The following ASTN2 variants were observed in gnomAD, a reference collection of about 807,000 sequenced individuals.
ASTN2 encodes the protein astrotactin 2.
A neutral mutation model predicts 139.8 loss-of-function variants in ASTN2; 54 were observed. The ratio of observed to expected loss-of-function variants is 0.39; its 90% CI spans 0.31 to 0.48. The LOEUF (loss-of-function observed/expected upper bound fraction) is 0.48. ASTN2 is among the 20% of genes least tolerant of loss of function. The pLI is 0.95. For synonymous variants in ASTN2, 756 were observed against 719.5 expected, an observed-to-expected ratio of 1.05 and a Z score of -0.81; for missense variants, 1,565 against 1,725.1, an observed-to-expected ratio of 0.91 and a Z score of 1.64.
intron 16 of ASTN2, among the ~76,000 whole-genome samples, chr9:116,676,047 T>C (rs981495402): frequency 3.3e-5 from 5 of 152,218 alleles, no homozygotes; most frequent in African/African-American, 1.2e-4. Flanking sequence ...GAATCTTGTC[T>C]ATGGTTCCAT....
intron 19 of ASTN2, among the ~76,000 whole-genome samples, chr9:116,559,942 T>C (rs778059932): frequency 7.9e-5 from 12 of 152,228 alleles, no homozygotes; most frequent in Non-Finnish European, 1.8e-4. Context: ...CACTTACTAT[T>C]ATTGCCGCTT....
At chr9:117,163,753 T>C (rs1442317836) in intron 3 of ASTN2, among the ~76,000 whole-genome samples, 1 of 152,104 alleles carries the variant, frequency 6.6e-6, no homozygotes, top group Non-Finnish European at 1.5e-5. Context: ...CACACTTGGA[T>C]TGACCATTAA....
At chr9:117,191,748 T>C (rs923560456) in intron 3 of ASTN2, among the ~76,000 whole-genome samples, 1 of 152,206 alleles carries the variant, frequency 6.6e-6, no homozygotes, top group Non-Finnish European at 1.5e-5. Flanking sequence ...GCTTCAGCTC[T>C]GATCAATCAG....
At chr9:117,163,924 T>C (rs373191067) in intron 3 of ASTN2, among the ~76,000 whole-genome samples, 1 of 152,224 alleles carries the variant, frequency 6.6e-6, no homozygotes. Flanking sequence ...GTATAACTTA[T>C]GACTCTCCAG....
At chr9:117,192,589 T>C (rs1265689926) in intron 3 of ASTN2, among the ~76,000 whole-genome samples, 2 of 152,228 alleles carry the variant, frequency 1.3e-5, no homozygotes, top group Non-Finnish European at 2.9e-5. Flanking sequence ...CCCCATGCTA[T>C]ACCATTTTGA....
chr9:117,251,717 G>A (rs1433461076), intron 2 of ASTN2, among the ~76,000 whole-genome samples: 1 of 152,168 alleles, frequency 6.6e-6, no homozygotes, highest in African/African-American at 2.4e-5. Context: ...GTTCACACTG[G>A]TAGCATTGTG....
intron 22 of ASTN2, among the ~76,000 whole-genome samples, chr9:116,433,132 G>T (rs75099224): frequency 0.041 from 6,204 of 152,206 alleles, 159 homozygotes; most frequent in Middle Eastern, 0.085. Flanking sequence ...TGGGCAAAAG[G>T]TTTATGTGGA....
chr9:116,548,892 G>C (rs779483199), intron 19 of ASTN2, among the ~76,000 whole-genome samples: 40 of 152,162 alleles, frequency 2.6e-4, no homozygotes, highest in Non-Finnish European at 5.4e-4. Context: ...GATTCCTGTA[G>C]GCAACCAGGG....
At chr9:116,603,577 A>T (rs1293163829) in intron 19 of ASTN2, among the ~76,000 whole-genome samples, 1 of 152,248 alleles carries the variant, frequency 6.6e-6, no homozygotes, top group Non-Finnish European at 1.5e-5. Flanking sequence ...CAGGAACTTA[A>T]AATACTTAAA....
chr9:116,896,290 T>C (rs1303642569), intron 10 of ASTN2, among the ~76,000 whole-genome samples: 1 of 152,184 alleles, frequency 6.6e-6, no homozygotes, highest in Non-Finnish European at 1.5e-5. Flanking sequence ...ATTTTCATAC[T>C]ACTATAAAGA....
At chr9:116,641,179 T>C (rs1857310595) in intron 17 of ASTN2, among the ~76,000 whole-genome samples, 2 of 152,318 alleles carry the variant, frequency 1.3e-5, no homozygotes, top group Non-Finnish European at 2.9e-5. Context: ...TGAATCAATG[T>C]AGACAGAGAT....
chr9:116,946,034 G>A (rs1044103177), intron 10 of ASTN2, among the ~76,000 whole-genome samples: 4 of 152,168 alleles, frequency 2.6e-5, no homozygotes, highest in Non-Finnish European at 4.4e-5. Flanking sequence ...GTGTGCAAAG[G>A]AGGAAGTGCC....
At chr9:116,592,849 C>T (rs1250291013) in intron 19 of ASTN2, among the ~76,000 whole-genome samples, 2 of 152,070 alleles carry the variant, frequency 1.3e-5, no homozygotes, top group South Asian at 2.1e-4. Context: ...AAGTCTCCTA[C>T]AACCCATTCA....
intron 19 of ASTN2, among the ~76,000 whole-genome samples, chr9:116,502,193 C>G (rs930866439): frequency 6.6e-6 from 1 of 150,638 alleles, no homozygotes. Context: ...GAGAGAGAGA[C>G]AGAGAGACAG....
chr9:117,336,823 C>T (rs1828899810), intron 1 of ASTN2, among the ~76,000 whole-genome samples: 1 of 152,108 alleles, frequency 6.6e-6, no homozygotes, highest in African/African-American at 2.4e-5. Context: ...CAGTCTATGT[C>T]CTCAAAAGGT....
At chr9:116,816,471 C>T (rs1831332781) in intron 12 of ASTN2, among the ~76,000 whole-genome samples, 1 of 152,166 alleles carries the variant, frequency 6.6e-6, no homozygotes, top group Non-Finnish European at 1.5e-5. Flanking sequence ...TGGAGAAGAA[C>T]TCTACTCAAT....
At chr9:117,055,726 AG>A (rs1839040002) in intron 5 of ASTN2, among the ~76,000 whole-genome samples, 1 of 152,226 alleles carries the variant, frequency 6.6e-6, no homozygotes, top group African/African-American at 2.4e-5. Context: ...CTGAAATGAA[AG>A]AAGGATTAGA....
intron 22 of ASTN2, chr9:116,437,666 A>G: frequency 4.4e-6 from 2 of 456,114 alleles, no homozygotes; most frequent in South Asian, 3.1e-5. Context: ...GGGAAAGCCC[A>G]AAAAACTGGA....
intron 4 of ASTN2, among the ~76,000 whole-genome samples, chr9:117,097,796 G>T (rs1828875713): frequency 6.6e-6 from 1 of 152,074 alleles, no homozygotes; most frequent in Admixed American, 6.6e-5. Flanking sequence ...CCTCAGGTAG[G>T]GTATTTGAAA....
Sources: gnomAD v4.1 joint callset for allele counts (sites outside exome capture counted in the v4.1 genomes callset) on GRCh38, gnomAD v4.1.1 for gene constraint, MANE v1.5 for transcripts, NCBI Gene and HGNC (gene_info 2026-07-23, HGNC 2026-07-21) for gene names.